The following PRKCI variants were observed in gnomAD, a reference collection of about 807,000 sequenced individuals.
PRKCI encodes the protein protein kinase C iota.
PRKCI carries 43 observed loss-of-function variants against 84.0 expected under a neutral mutation model. The ratio of observed to expected loss-of-function variants is 0.51; its 90% CI spans 0.40 to 0.66. The LOEUF (loss-of-function observed/expected upper bound fraction) is 0.66. Ranked by LOEUF, PRKCI falls within the 30% of genes least tolerant of loss-of-function variation. PRKCI has a pLI of 0.00. For synonymous variants in PRKCI, 216 were observed against 234.4 expected, an observed-to-expected ratio of 0.92 and a Z score of 0.72; for missense variants, 459 against 745.6, an observed-to-expected ratio of 0.62 and a Z score of 4.48.
intron 5 of PRKCI, among the ~76,000 whole-genome samples, chr3:170,268,700 T>C (rs1733925153): frequency 2.0e-5 from 3 of 152,206 alleles, no homozygotes; most frequent in African/African-American, 7.2e-5. Flanking sequence ...TTGTACTACG[T>C]ACCAGGCACT....
At position 170,303,361 on chromosome 3, in the gene PRKCI, G is replaced by A; in HGVS notation, c.*234G>A. On this transcript the variant is annotated 3_prime_UTR_variant, in exon 18 of 18. Transcript: ENST00000295797. ...AAAATTTAGTTGAACTGGTTTTTCA[G>A]TTTTTAAAAGGCCTACAGATGAGTA... The A allele has an allele frequency of 3.2e-6, 1 of 315,594 alleles. No homozygotes were observed. The highest frequency in any genetic ancestry group is 5.7e-6 in the Non-Finnish European group (1 of 175,212). The allele number at this position is 315,594 out of a possible 1,614,324, so 19.5% of individuals were successfully genotyped here. A position where few individuals can be genotyped will look rare whatever the true frequency, so the allele number is the denominator to read the frequency against.
At chr3:170,260,988 G>A (rs1008739620) in intron 3 of PRKCI, among the ~76,000 whole-genome samples, 1 of 151,642 alleles carries the variant, frequency 6.6e-6, no homozygotes, top group Non-Finnish European at 1.5e-5. Context: ...AGTTTCTCTC[G>A]CTCTGTTGCC....
chr3:170,263,668 G>A (rs560968138), intron 4 of PRKCI, among the ~76,000 whole-genome samples: 1 of 151,908 alleles, frequency 6.6e-6, no homozygotes, highest in Non-Finnish European at 1.5e-5. Flanking sequence ...AGCATGGTGT[G>A]TGCCTATAAT....
intron 4 of PRKCI, among the ~76,000 whole-genome samples, chr3:170,266,670 G>C (rs1365006295): frequency 1.3e-5 from 2 of 152,170 alleles, no homozygotes; most frequent in African/African-American, 4.8e-5. Context: ...AATCTTGATT[G>C]CATCCTGGAT....
intron 1 of PRKCI, among the ~76,000 whole-genome samples, chr3:170,225,127 T>C (rs561836725): frequency 5.9e-5 from 9 of 152,320 alleles, no homozygotes; most frequent in African/African-American, 2.2e-4. Context: ...GGTAACATTG[T>C]CTTTTAAAAT....
intron 12 of PRKCI, among the ~76,000 whole-genome samples, chr3:170,288,201 G>T (rs146662490): frequency 1.3e-5 from 2 of 151,372 alleles, no homozygotes; most frequent in Non-Finnish European, 2.9e-5. Context: ...ACCCGAGATC[G>T]CGCCACTGCA....
At chr3:170,278,925 C>A (rs1435651621) in intron 8 of PRKCI, among the ~76,000 whole-genome samples, 1 of 152,216 alleles carries the variant, frequency 6.6e-6, no homozygotes, top group Non-Finnish European at 1.5e-5. Flanking sequence ...GAATCTGTCC[C>A]TGTGACCCAA....
At position 170,297,363 on chromosome 3, in the gene PRKCI, C is replaced by T. The variant is rs750842237; in HGVS notation, c.1557C>T (p.His519=). 20 of 1,613,306 alleles carry T rather than the reference C, an allele frequency of 1.2e-5. 1 individual carries two copies. Among genetic ancestry groups the T allele is most frequent in the Middle Eastern group, 1.7e-4 (1 of 6,028 alleles). ...CAGGATTTGCTGATATTCAGGGACA[C>T]CCGTTCTTCCGAAATGTTGATTGGG... ...PQTGFADIQG[H]PFFRNVDWDM... is the part of the protein sequence containing the mutation. The change falls in exon 16 of 18, where the codon CAC becomes CAT. Residue 519 remains histidine, a synonymous_variant. Transcript: ENST00000295797.
At chr3:170,264,983 C>A (rs1733822559) in intron 4 of PRKCI, among the ~76,000 whole-genome samples, 1 of 151,674 alleles carries the variant, frequency 6.6e-6, no homozygotes. Flanking sequence ...GTCAGGAGTT[C>A]AAGACCAGCC....
At chr3:170,282,159 A>G (rs2108859581) in intron 11 of PRKCI, among the ~76,000 whole-genome samples, 191 bp downstream of exon 11, 1 of 152,338 alleles carries the variant, frequency 6.6e-6, no homozygotes. Flanking sequence ...TTTTACATTT[A>G]TACACATACA....
At chr3:170,265,805 T>C (rs1733845309) in intron 4 of PRKCI, among the ~76,000 whole-genome samples, 1 of 150,582 alleles carries the variant, frequency 6.6e-6, no homozygotes, top group Non-Finnish European at 1.5e-5. Context: ...AGAGATGGGG[T>C]TTTGTATTTT....
chr3:170,303,159 G>A lies in PRKCI; in HGVS notation c.*32G>A, dbSNP rs1734863820. 4 of 1,509,878 alleles carry A rather than the reference G, an allele frequency of 2.6e-6. No individual in the cohort carries two copies. In the African/African-American group the frequency reaches 4.2e-5, roughly 16 times the overall value. 93.5% of individuals were successfully genotyped at this position (1,509,878 alleles called of 1,614,324 possible). ...TTTTTCAACCATGTATTCTACTCAT[G>A]TTGCCATTTAATGCATGGATAAACT... On this transcript the variant is annotated 3_prime_UTR_variant, in exon 18 of 18. Transcript: ENST00000295797.
chr3:170,287,337 A>G (rs1193052378), intron 12 of PRKCI, among the ~76,000 whole-genome samples: 1 of 147,052 alleles, frequency 6.8e-6, no homozygotes, highest in African/African-American at 2.4e-5. Flanking sequence ...ATATATATAT[A>G]TAGAGAGAGA....
intron 8 of PRKCI, among the ~76,000 whole-genome samples, chr3:170,279,926 A>G (rs1442260908): frequency 3.9e-5 from 6 of 152,088 alleles, no homozygotes; most frequent in Non-Finnish European, 7.4e-5. Context: ...TAATTCCTGC[A>G]TCTCTATTGC....
At chr3:170,293,936 C>T (rs1032959203) in intron 14 of PRKCI, among the ~76,000 whole-genome samples, 10 of 152,200 alleles carry the variant, frequency 6.6e-5, no homozygotes, top group African/African-American at 2.2e-4. Context: ...CCACCTCAGC[C>T]TCCCCAGCAT....
chr3:170,237,172 T>C (rs1733000939), intron 2 of PRKCI, among the ~76,000 whole-genome samples: 2 of 152,158 alleles, frequency 1.3e-5, no homozygotes, highest in South Asian at 4.1e-4. Context: ...GTGAAGAACA[T>C]GATGAGTGAA....
At chr3:170,245,949 G>GTTTTTTTTTTTTTTTTTTTTTTGT (rs112482352) in intron 2 of PRKCI, among the ~76,000 whole-genome samples, 1 of 82,462 alleles carries the variant, frequency 1.2e-5, no homozygotes, top group African/African-American at 4.9e-5. Context: ...TTATGTCTTT[G>GTTTTTTTTTTTTTTTTTTTTTTGT]TTTTTTTTTT....
intron 12 of PRKCI, among the ~76,000 whole-genome samples, chr3:170,290,066 C>T (rs185502347): frequency 1.4e-4 from 21 of 148,808 alleles, no homozygotes; most frequent in African/African-American, 1.8e-4. Flanking sequence ...GAGCGAAACT[C>T]GGTCTCAAAA....
chr3:170,232,029 A>G (rs1016959663), intron 1 of PRKCI, among the ~76,000 whole-genome samples: 4 of 152,112 alleles, frequency 2.6e-5, no homozygotes, highest in Admixed American at 6.5e-5. Flanking sequence ...GGAACAAAAG[A>G]AAAAGAACCA....
Sources: gnomAD v4.1 joint callset for allele counts (sites outside exome capture counted in the v4.1 genomes callset) on GRCh38, gnomAD v4.1.1 for gene constraint, MANE v1.5 for transcripts, NCBI Gene and HGNC (gene_info 2026-07-23, HGNC 2026-07-21) for gene names.